The following DAB1 variants were observed in gnomAD, a reference collection of about 807,000 sequenced individuals.
DAB1 encodes the protein DAB adaptor protein 1.
Under a neutral mutation model 64.6 loss-of-function variants are expected in DAB1, and 15 were observed. That is an observed-to-expected ratio of 0.23 (90% CI 0.16 to 0.36). DAB1 has a LOEUF of 0.36. DAB1 is among the 10% of genes least tolerant of loss of function. DAB1 has a pLI of 1.00. For synonymous variants in DAB1, 235 were observed against 251.9 expected (o/e 0.93, Z 0.64); for missense variants, 596 against 706.7 (o/e 0.84, Z 1.78).
intron 5 of DAB1, among the ~76,000 whole-genome samples, chr1:57,945,060 G>GTGT (rs1645163954): frequency 6.6e-6 from 1 of 152,190 alleles, no homozygotes; most frequent in East Asian, 1.9e-4. Flanking sequence ...CTTCTTGAAT[G>GTGT]TGTTGGTCCC....
intron 2 of DAB1, among the ~76,000 whole-genome samples, chr1:57,249,268 G>T (rs1218176209): frequency 1.3e-5 from 2 of 152,146 alleles, no homozygotes; most frequent in Non-Finnish European, 2.9e-5. Context: ...CCATCCTATT[G>T]AGTATCATGC....
chr1:57,555,777 T>G (rs1203046381), intron 7 of DAB1, among the ~76,000 whole-genome samples: 1 of 152,226 alleles, frequency 6.6e-6, no homozygotes, highest in Admixed American at 6.5e-5. Context: ...CCATTTTCAG[T>G]ACATCACTGT....
chr1:58,530,848 C>G lies in DAB1; in HGVS notation n.33-3513G>C, dbSNP rs1646424240. On this transcript the variant is annotated intron_variant and non_coding_transcript_variant, in intron 1 of 20. Transcript: ENST00000485760. ...CCTTCTCCACCTAAGACTGAGAGTTCTCTTTTTCTTCTTTTGCTTATTCTT... is the reference window on the plus strand; with the variant it reads ...CCTTCTCCACCTAAGACTGAGAGTTGTCTTTTTCTTCTTTTGCTTATTCTT... 3.5e-5 allele frequency: 22 copies of G among 621,576 alleles called. 1 individual carries two copies. In the South Asian group the frequency reaches 4.3e-4, roughly 12 times the overall value. 38.5% of individuals were successfully genotyped at this position (621,576 alleles called of 1,614,324 possible). A position where few individuals can be genotyped will look rare whatever the true frequency, so the allele number is the denominator to read the frequency against.
intron 2 of DAB1, among the ~76,000 whole-genome samples, chr1:57,232,070 C>T (rs1667716788): frequency 6.6e-6 from 1 of 152,146 alleles, no homozygotes; most frequent in South Asian, 2.1e-4. Flanking sequence ...TTCAGGTAAG[C>T]CTCTGGGTTC....
At chr1:57,211,972 A>G (rs574582431) in intron 2 of DAB1, among the ~76,000 whole-genome samples, 1 of 152,334 alleles carries the variant, frequency 6.6e-6, no homozygotes, top group Non-Finnish European at 1.5e-5. Context: ...CCAATCCCCC[A>G]AAGATACTGA....
At chr1:57,813,630 G>A (rs1198785050) in intron 6 of DAB1, among the ~76,000 whole-genome samples, 3 of 152,174 alleles carry the variant, frequency 2.0e-5, no homozygotes, top group African/African-American at 7.2e-5. Context: ...TAGAGTTGAC[G>A]TTGAAGTGAA....
intron 5 of DAB1, among the ~76,000 whole-genome samples, chr1:57,926,380 C>G (rs543908256): frequency 1.3e-5 from 2 of 152,132 alleles, no homozygotes; most frequent in Non-Finnish European, 2.9e-5. Flanking sequence ...TATTGGTCAC[C>G]TACCAAGAAC....
rs1676114217 is a variant in DAB1 at position 57,325,965 on chromosome 1, T to C, written c.-136-34799A>G. 5.9e-5 allele frequency among the ~76,000 whole-genome samples: 9 copies of C among 152,190 alleles called. 1 individual carries two copies. The highest frequency in any genetic ancestry group is 5.9e-4 in the Admixed American group (9 of 15,278). ...TCACAAATGAATTCGACTAAGTAATTGCTTGACTTCTTTCCAGCATTAAAG... is the reference window on the plus strand; with the variant it reads ...TCACAAATGAATTCGACTAAGTAATCGCTTGACTTCTTTCCAGCATTAAAG... On this transcript the variant is annotated intron_variant, in intron 1 of 14. Transcript: ENST00000371236.
chr1:58,191,117 G>A (rs1177910203), intron 4 of DAB1, among the ~76,000 whole-genome samples: 3 of 152,226 alleles, frequency 2.0e-5, no homozygotes, highest in African/African-American at 7.2e-5. Flanking sequence ...AAGATACATG[G>A]AGGATGGTGT....
chr1:58,418,466 C>T (rs896798250), intron 3 of DAB1, among the ~76,000 whole-genome samples: 4 of 152,026 alleles, frequency 2.6e-5, no homozygotes, highest in Non-Finnish European at 5.9e-5. Flanking sequence ...CTTTGAGAAT[C>T]AGTTATACAT....
chr1:57,513,041 T>C (rs1027876337), intron 7 of DAB1, among the ~76,000 whole-genome samples: 2 of 152,218 alleles, frequency 1.3e-5, no homozygotes, highest in East Asian at 3.8e-4. Context: ...TCCCATGTTG[T>C]ATAGGAGAAA....
At chr1:58,130,631 G>A (rs1391789515) in intron 5 of DAB1, among the ~76,000 whole-genome samples, 3 of 151,994 alleles carry the variant, frequency 2.0e-5, no homozygotes, top group East Asian at 1.9e-4. Flanking sequence ...CTTCCTTCAG[G>A]AGCTCTTGTA....
Position 58,247,117 on chromosome 1 carries a change from C to G in DAB1, n.309+96235G>C, listed in dbSNP as rs139980950. On this transcript the variant is annotated intron_variant and non_coding_transcript_variant, in intron 4 of 20. Transcript: ENST00000485760. ...TCTGTGGAAGGGCCCATACTGGAGG[C>G]CAGGAGATGAGCTGGGAGGCTCTGA... Among the ~76,000 whole-genome samples the G allele has an allele frequency of 1.1e-3, 173 of 151,988 alleles. 1 individual carries two copies. The highest frequency in any genetic ancestry group is 4.0e-3 in the African/African-American group (166 of 41,442).
At chr1:58,464,857 C>A (rs965573076) in intron 3 of DAB1, among the ~76,000 whole-genome samples, 1 of 152,150 alleles carries the variant, frequency 6.6e-6, no homozygotes, top group African/African-American at 2.4e-5. Context: ...GCAGCCCTTG[C>A]CCTCACACCT....
chr1:58,435,428 T>C (rs1644931267), intron 3 of DAB1, among the ~76,000 whole-genome samples: 1 of 152,162 alleles, frequency 6.6e-6, no homozygotes, highest in Admixed American at 6.5e-5. Flanking sequence ...ATCTTATGCA[T>C]TATAGCTGTT....
chr1:58,204,830 T>C (rs1032512504), intron 4 of DAB1, among the ~76,000 whole-genome samples: 1 of 152,110 alleles, frequency 6.6e-6, no homozygotes, highest in Non-Finnish European at 1.5e-5. Flanking sequence ...GTCTACAAAA[T>C]GTGCCCATAA....
intron 4 of DAB1, among the ~76,000 whole-genome samples, chr1:57,082,847 A>C (rs568041085): frequency 8.5e-5 from 13 of 152,182 alleles, no homozygotes; most frequent in Non-Finnish European, 1.6e-4. Flanking sequence ...GTCCCTGCAA[A>C]AGACATAATC....
At chr1:57,965,246 CAT>C (rs1645634756) in intron 5 of DAB1, among the ~76,000 whole-genome samples, 1 of 152,136 alleles carries the variant, frequency 6.6e-6, no homozygotes, top group Non-Finnish European at 1.5e-5. Flanking sequence ...AGATTTATCT[CAT>C]AGTTGTTTCT....
chr1:58,485,091 A>T (rs1044465661), intron 3 of DAB1, among the ~76,000 whole-genome samples: 1 of 151,964 alleles, frequency 6.6e-6, no homozygotes, highest in Non-Finnish European at 1.5e-5. Flanking sequence ...TGTAACTAAT[A>T]TTATCACTCT....
Sources: allele counts gnomAD v4.1 joint callset (sites outside exome capture counted in the v4.1 genomes callset), GRCh38; gene constraint gnomAD v4.1.1; transcripts MANE v1.5; gene names NCBI Gene and HGNC (gene_info 2026-07-23, HGNC 2026-07-21).